The following GCNT2 variants were observed in gnomAD, a reference collection of about 807,000 sequenced individuals.
GCNT2 encodes N-acetyllactosaminide beta-1,6-N-acetylglucosaminyl-transferase.
In GCNT2, 34 loss-of-function variants were observed where a neutral mutation model predicts 34.2. The observed-to-expected ratio is 1.00, with a 90% CI of 0.76 to 1.32. The LOEUF is 1.32. Among genes scored for constraint, GCNT2 ranks in the 40% most tolerant of loss-of-function variants. GCNT2 has a pLI of 0.00. For synonymous variants in GCNT2, 212 were observed against 188.0 expected, an observed-to-expected ratio of 1.13 and a Z score of -1.04; for missense variants, 584 against 489.4, an observed-to-expected ratio of 1.19 and a Z score of -1.82.
At chr6:10,525,334 CTTTA>C (rs1021021567) in intron 1 of GCNT2, among the ~76,000 whole-genome samples, 7 of 152,198 alleles carry the variant, frequency 4.6e-5, no homozygotes, top group East Asian at 3.8e-4. Flanking sequence ...GTTCAGAACT[CTTTA>C]TTTATCCCAC....
intron 3 of GCNT2, among the ~76,000 whole-genome samples, chr6:10,582,324 T>C (rs1257483670): frequency 9.1e-6 from 1 of 110,188 alleles, no homozygotes; most frequent in African/African-American, 4.7e-5. Context: ...TAATATTAAA[T>C]ATAATATATA....
At chr6:10,571,423 C>T (rs1763549254) in intron 3 of GCNT2, among the ~76,000 whole-genome samples, 1 of 152,170 alleles carries the variant, frequency 6.6e-6, no homozygotes, top group Admixed American at 6.5e-5. Context: ...GCAATCTCAG[C>T]TCACTGCAAC....
Position 10,528,862 on chromosome 6 carries a change from C to G in GCNT2, c.-50C>G, listed in dbSNP as rs780409779. 3 of 1,396,588 alleles carry G rather than the reference C, an allele frequency of 2.1e-6. No homozygotes were observed. The highest frequency in any genetic ancestry group is 3.1e-6 in the Non-Finnish European group (3 of 982,902). The allele number at this position is 1,396,588 out of a possible 1,614,324, so 86.5% of individuals were successfully genotyped here. On this transcript the variant is annotated 5_prime_UTR_variant, in exon 3 of 5. Coordinates refer to ENST00000495262, the MANE Select transcript of GCNT2 (RefSeq NM_145649.5). ...AAAATGTAAGTTAAATATATCTACA[C>G]TCTGATCCTATCTCAAGAGAGAGAT...
intron 3 of GCNT2, among the ~76,000 whole-genome samples, chr6:10,559,275 A>G (rs894075798): frequency 2.0e-5 from 3 of 152,136 alleles, no homozygotes; most frequent in Non-Finnish European, 2.9e-5. Context: ...GGTGTAGGAG[A>G]GAATGCTATC....
At chr6:10,612,505 T>C (rs1161762828) in intron 3 of GCNT2, among the ~76,000 whole-genome samples, 1 of 152,192 alleles carries the variant, frequency 6.6e-6, no homozygotes, top group Non-Finnish European at 1.5e-5. Context: ...CAAATGTCGA[T>C]AATGCTGAGG....
chr6:10,553,471 G>A (rs1478873940), intron 3 of GCNT2, among the ~76,000 whole-genome samples: 2 of 152,230 alleles, frequency 1.3e-5, no homozygotes, highest in African/African-American at 4.8e-5. Context: ...ACATGGAGGA[G>A]GGCAATCTTT....
intron 3 of GCNT2, chr6:10,556,788 A>G: frequency 1.2e-6 from 2 of 1,614,110 alleles, no homozygotes; most frequent in Non-Finnish European, 1.7e-6. Context: ...CAAAATATCT[A>G]CTGTGTTCAT....
chr6:10,532,627 A>T (rs1761548980), intron 3 of GCNT2, among the ~76,000 whole-genome samples: 1 of 152,074 alleles, frequency 6.6e-6, no homozygotes, highest in Non-Finnish European at 1.5e-5. Context: ...ATGTGCCCCC[A>T]TGCCTGGCTA....
At position 10,528,808 on chromosome 6, in the gene GCNT2, C is replaced by A; in HGVS notation, c.-104C>A. The stretch of plus-strand genomic sequence containing the variant: ...GGAACAGCCAGACGAGAGCTTCAGC[C>A]ATCACGAGGATGATTTCGGAACCTG... On this transcript the variant is annotated 5_prime_UTR_variant, in exon 3 of 5. Transcript: ENST00000495262. The A allele has an allele frequency of 2.2e-6, 2 of 901,844 alleles. No individual in the cohort carries two copies. 55.9% of individuals were successfully genotyped at this position (901,844 alleles called of 1,614,324 possible).
At position 10,578,391 on chromosome 6, in the gene GCNT2, T is replaced by TAAA. The variant is rs55708119; in HGVS notation, c.926-42946_926-42944dup. Among the ~76,000 whole-genome samples the TAAA allele has an allele frequency of 5.1e-4, 44 of 87,046 alleles. 2 individuals carry two copies. The South Asian group carries it at 0.013, about 26-fold the overall frequency. 57.1% of individuals were successfully genotyped at this position (87,046 alleles called of 152,430 possible). Reference sequence around the variant, plus strand: ...GAGTGAGTGAGACTCTGTCTAAAAGTAAAAAAAAAAAAAAAAGAGTTGATG... The same window carrying TAAA: ...GAGTGAGTGAGACTCTGTCTAAAAGTAAAAAAAAAAAAAAAAAAAGAGTTGATG... On this transcript the variant is annotated intron_variant, in intron 3 of 4. Coordinates refer to ENST00000495262, the MANE Select transcript of GCNT2 (RefSeq NM_145649.5).
At chr6:10,566,777 G>C (rs1041517335) in intron 3 of GCNT2, among the ~76,000 whole-genome samples, 1 of 152,200 alleles carries the variant, frequency 6.6e-6, no homozygotes, top group Non-Finnish European at 1.5e-5. Context: ...TTAAATGCAT[G>C]CACACATGTA....
intron 3 of GCNT2, chr6:10,556,523 C>G (rs768735603): frequency 6.2e-7 from 1 of 1,613,970 alleles, no homozygotes; most frequent in South Asian, 1.1e-5. Context: ...TCCAAGCTTC[C>G]AAAGGCTAAA....
intron 4 of GCNT2, among the ~76,000 whole-genome samples, chr6:10,626,153 CAT>C (rs1324414520): frequency 3.3e-5 from 5 of 152,126 alleles, no homozygotes; most frequent in East Asian, 1.9e-4. Flanking sequence ...CAATAATTAA[CAT>C]AATTAAAATA....
intron 3 of GCNT2, among the ~76,000 whole-genome samples, chr6:10,620,407 A>ATT (rs570105927): frequency 0.1 from 15,241 of 146,406 alleles, 1,322 homozygotes; most frequent in African/African-American, 0.24. Flanking sequence ...TCTTTTTTTA[A>ATT]TTTTTTTTTT....
chr6:10,586,971 C>T lies in GCNT2; in HGVS notation c.926-34380C>T, dbSNP rs554545323. 10 of 1,169,772 alleles carry T rather than the reference C, an allele frequency of 8.5e-6. No homozygotes were observed. In the African/African-American group the frequency reaches 1.4e-4, roughly 16 times the overall value. 72.5% of individuals were successfully genotyped at this position (1,169,772 alleles called of 1,614,324 possible). A position where few individuals can be genotyped will look rare whatever the true frequency, so the allele number is the denominator to read the frequency against. The stretch of plus-strand genomic sequence containing the variant: ...TTGAGTTTGCTAACATTCTGCTCGC[C>T]TAGAGAACTGACTCATTTGAAATTA... On this transcript the variant is annotated intron_variant, in intron 3 of 4. Transcript: ENST00000495262.
At chr6:10,583,180 CT>C (rs767299744) in intron 3 of GCNT2, among the ~76,000 whole-genome samples, 1 of 152,176 alleles carries the variant, frequency 6.6e-6, no homozygotes, top group Non-Finnish European at 1.5e-5. Context: ...CCCGCCAACT[CT>C]CTAGCAGCTC....
chr6:10,579,476 T>C (rs1196217023), intron 3 of GCNT2, among the ~76,000 whole-genome samples: 1 of 152,100 alleles, frequency 6.6e-6, no homozygotes, highest in African/African-American at 2.4e-5. Flanking sequence ...TCATAGACAT[T>C]AACTTGTTTG....
chr6:10,539,824 G>T (rs1761957417), intron 3 of GCNT2, among the ~76,000 whole-genome samples: 1 of 152,222 alleles, frequency 6.6e-6, no homozygotes, highest in African/African-American at 2.4e-5. Flanking sequence ...GATGGCTCAT[G>T]CCTGTAATCC....
At chr6:10,532,157 C>T (rs1004314773) in intron 3 of GCNT2, among the ~76,000 whole-genome samples, 4 of 152,010 alleles carry the variant, frequency 2.6e-5, no homozygotes, top group East Asian at 3.9e-4. Flanking sequence ...AGGATTGGAC[C>T]GGATGGCCTC....
Sources: allele counts gnomAD v4.1 joint callset (sites outside exome capture counted in the v4.1 genomes callset), GRCh38; gene constraint gnomAD v4.1.1; transcripts MANE v1.5; gene names NCBI Gene and HGNC (gene_info 2026-07-23, HGNC 2026-07-21).